Variants in GPC5 observed in about 807,000 individuals in gnomAD.
GPC5 encodes glypican 5.
In GPC5, 47 loss-of-function variants were observed where a neutral mutation model predicts 53.9. The ratio of observed to expected loss-of-function variants is 0.87; its 90% confidence interval spans 0.69 to 1.11. The LOEUF is 1.11. Among genes scored for constraint, GPC5 ranks in the 50% most tolerant of loss-of-function variants. The pLI, the probability that GPC5 is intolerant of heterozygous loss-of-function variation, is 0.00. For missense variants in GPC5, 748 were observed against 713.1 expected (o/e 1.05, Z -0.56); for synonymous variants, 286 against 263.3 (o/e 1.09, Z -0.84).
chr13:92,297,181 C>G (rs1453735267), intron 7 of GPC5, among the ~76,000 whole-genome samples: 1 of 152,256 alleles, frequency 6.6e-6, no homozygotes, highest in Admixed American at 6.5e-5. Flanking sequence ...GGATTGTAAA[C>G]ACACCAATCA....
At chr13:92,552,234 C>G (rs1198713261) in intron 7 of GPC5, among the ~76,000 whole-genome samples, 1 of 151,820 alleles carries the variant, frequency 6.6e-6, no homozygotes, top group Non-Finnish European at 1.5e-5. Context: ...ATGGGGGCAG[C>G]TTTTCCAGTG....
chr13:91,897,723 TA>T (rs754155954), intron 5 of GPC5, among the ~76,000 whole-genome samples: 5 of 152,192 alleles, frequency 3.3e-5, no homozygotes, highest in Non-Finnish European at 7.3e-5. Flanking sequence ...GTAGGTTCAA[TA>T]AATGTATTAG....
chr13:92,066,455 A>G lies in GPC5; in HGVS notation c.1402-78375A>G, dbSNP rs377188442. Among the ~76,000 whole-genome samples, 18 of 151,530 alleles carry G rather than the reference A, an allele frequency of 1.2e-4. No individual in the cohort carries two copies. The East Asian group carries it at 3.1e-3, about 26-fold the overall frequency. On this transcript the variant is annotated intron_variant, in intron 6 of 7. Coordinates refer to ENST00000377067, the MANE Select transcript of GPC5 (RefSeq NM_004466.6). The stretch of plus-strand genomic sequence containing the variant: ...CCTGAAAAAAAAAAAAAGAAAAAAA[A>G]CAGCCTGCATGACTTCTTAAAGTCC...
chr13:91,691,592 AG>A lies in GPC5; in HGVS notation c.326-1594del, dbSNP rs1356315424. ...AAACAGAATTGCAATTACTTTTAAA[AG>A]CTGTTACCTTTGATTGCAGGGTAGA... On this transcript the variant is annotated intron_variant, in intron 2 of 7. Transcript: ENST00000377067. 1.1e-4 allele frequency among the ~76,000 whole-genome samples: 17 copies of A among 152,288 alleles called. No individual in the cohort carries two copies. In the East Asian group the frequency reaches 3.3e-3, roughly 29 times the overall value.
intron 7 of GPC5, among the ~76,000 whole-genome samples, chr13:92,152,953 A>G (rs1170034636): frequency 6.6e-6 from 1 of 152,152 alleles, no homozygotes; most frequent in Non-Finnish European, 1.5e-5. Flanking sequence ...AACTTTTATA[A>G]AAAATACAGT....
At chr13:92,737,760 C>T (rs199737143) in intron 7 of GPC5, among the ~76,000 whole-genome samples, 232 of 61,760 alleles carry the variant, frequency 3.8e-3, no homozygotes, top group Middle Eastern at 0.01. Context: ...TTTTTTTTTT[C>T]TTTTTCTTTT....
chr13:92,215,401 T>A (rs1167241438), intron 7 of GPC5, among the ~76,000 whole-genome samples: 1 of 152,188 alleles, frequency 6.6e-6, no homozygotes, highest in African/African-American at 2.4e-5. Context: ...ATGGAATAAT[T>A]AAAGCAATTT....
intron 7 of GPC5, among the ~76,000 whole-genome samples, chr13:92,381,889 T>TGA (rs753025655): frequency 6.5e-5 from 8 of 122,174 alleles, no homozygotes; most frequent in Admixed American, 4.4e-4. Context: ...ATTATATATA[T>TGA]TATATATAAT....
At chr13:92,633,626 TATA>T (rs1186381285) in intron 7 of GPC5, among the ~76,000 whole-genome samples, 4 of 152,130 alleles carry the variant, frequency 2.6e-5, no homozygotes, top group African/African-American at 9.6e-5. Flanking sequence ...AAGTTTTTGT[TATA>T]ATACTTTTCT....
intron 5 of GPC5, among the ~76,000 whole-genome samples, chr13:91,868,427 C>T (rs1008334247): frequency 6.6e-6 from 1 of 152,142 alleles, no homozygotes; most frequent in African/African-American, 2.4e-5. Context: ...GGAGACAAGG[C>T]TGGGCATGGT....
chr13:91,668,850 C>T (rs982928677), intron 2 of GPC5, among the ~76,000 whole-genome samples: 1 of 152,092 alleles, frequency 6.6e-6, no homozygotes, highest in African/African-American at 2.4e-5. Flanking sequence ...TGTTCTATAT[C>T]TTTGTAAATG....
intron 2 of GPC5, among the ~76,000 whole-genome samples, chr13:91,536,641 C>G (rs1018503582): frequency 6.6e-6 from 1 of 152,158 alleles, no homozygotes; most frequent in Non-Finnish European, 1.5e-5. Context: ...GCACGGCTGT[C>G]TTCTCCCTGT....
rs80320512 is a variant in GPC5 at position 91,523,640 on chromosome 13, T to A, written c.325+74718T>A. Among the ~76,000 whole-genome samples, 1,060 of 152,292 alleles carry A rather than the reference T, an allele frequency of 7.0e-3. 6 individuals are homozygous for A. The highest frequency in any genetic ancestry group is 0.017 in the Middle Eastern group (5 of 294). On this transcript the variant is annotated intron_variant, in intron 2 of 7. Coordinates refer to ENST00000377067, the MANE Select transcript of GPC5 (RefSeq NM_004466.6). ...GTGTAGGATGAGTAAGTTCTAGGCA[T>A]CAAATGTAAAGCATGACTATAGTTA...
chr13:92,193,294 T>C lies in GPC5; in HGVS notation c.1561+48305T>C, dbSNP rs573893203. Among the ~76,000 whole-genome samples, 4 of 152,308 alleles carry C rather than the reference T, an allele frequency of 2.6e-5. No individual in the cohort carries two copies. In the South Asian group the frequency reaches 8.3e-4, roughly 32 times the overall value. Reference sequence around the variant, plus strand: ...GAAATAAAATATTTTCTTTTTCCAATAAAAAAAGCAGAGTTTACTGGTTCA... The same window carrying C: ...GAAATAAAATATTTTCTTTTTCCAACAAAAAAAGCAGAGTTTACTGGTTCA... On this transcript the variant is annotated intron_variant, in intron 7 of 7. Transcript: ENST00000377067.
At chr13:92,001,851 C>T (rs1013436101) in intron 6 of GPC5, among the ~76,000 whole-genome samples, 2 of 152,048 alleles carry the variant, frequency 1.3e-5, no homozygotes, top group Non-Finnish European at 2.9e-5. Context: ...AATTGGAAGG[C>T]ATATTAAACT....
intron 2 of GPC5, among the ~76,000 whole-genome samples, chr13:91,579,344 C>T (rs988922228): frequency 6.6e-6 from 1 of 152,100 alleles, no homozygotes; most frequent in Admixed American, 6.5e-5. Flanking sequence ...TCCTTATGTC[C>T]TTATTCTTTC....
intron 7 of GPC5, among the ~76,000 whole-genome samples, chr13:92,622,466 C>G (rs1228758136): frequency 2.0e-5 from 3 of 152,172 alleles, no homozygotes; most frequent in Admixed American, 1.3e-4. Context: ...GTTATCTGTT[C>G]CCTACTAGGA....
At chr13:91,432,209 GTGTGTGT>G (rs1266851537) in intron 1 of GPC5, among the ~76,000 whole-genome samples, 1 of 105,650 alleles carries the variant, frequency 9.5e-6, no homozygotes, top group Non-Finnish European at 2.0e-5. Context: ...GCTGCTGTGT[GTGTGTGT>G]GTGTGTGTGT....
intron 7 of GPC5, among the ~76,000 whole-genome samples, chr13:92,277,300 A>G (rs2042883028): frequency 6.6e-6 from 1 of 152,014 alleles, no homozygotes; most frequent in African/African-American, 2.4e-5. Context: ...TTTCTGGGGG[A>G]AAATCCATAC....
Sources: gnomAD v4.1 joint callset for allele counts (sites outside exome capture counted in the v4.1 genomes callset) on GRCh38, gnomAD v4.1.1 for gene constraint, MANE v1.5 for transcripts, NCBI Gene and HGNC (gene_info 2026-07-23, HGNC 2026-07-21) for gene names.